The following CCNJ variants were observed in gnomAD, a reference collection of about 807,000 sequenced individuals.
The protein encoded by CCNJ is cyclin-J.
A neutral mutation model predicts 41.4 loss-of-function variants in CCNJ; 12 were observed. That is an observed-to-expected ratio of 0.29 (90% confidence interval 0.19 to 0.47). CCNJ has a LOEUF of 0.47. Ranked by LOEUF, CCNJ falls within the 20% of genes least tolerant of loss-of-function variation. CCNJ has a pLI of 1.00. For missense variants in CCNJ, 340 were observed against 464.6 expected (o/e 0.73, Z 2.47); for synonymous variants, 161 against 173.4 (o/e 0.93, Z 0.56).
chr10:96,045,628 TTAG>T (rs2080341365), intron 2 of CCNJ, among the ~76,000 whole-genome samples: 1 of 149,580 alleles, frequency 6.7e-6, no homozygotes. Context: ...CTCTGGAGTG[TTAG>T]TTAGGAAAGA....
chr10:96,043,913 C>T (rs986594756), intron 1 of CCNJ, among the ~76,000 whole-genome samples, 194 bp downstream of exon 1: 2 of 152,338 alleles, frequency 1.3e-5, no homozygotes, highest in Non-Finnish European at 1.5e-5. Flanking sequence ...AGACCCGCGG[C>T]CAGGCAGACG....
At chr10:96,053,040 C>A (rs939624120) in intron 3 of CCNJ, among the ~76,000 whole-genome samples, 15 of 152,212 alleles carry the variant, frequency 9.9e-5, no homozygotes, top group African/African-American at 3.6e-4. Flanking sequence ...CTGATAAACT[C>A]TTTTCAGTGT....
upstream of CCNJ, chr10:96,043,374 C>A: frequency 2.8e-6 from 1 of 351,578 alleles, no homozygotes; most frequent in East Asian, 4.2e-5. Context: ...AGCGCCAGGC[C>A]AGCCCAGGCC....
In CCNJ at chr10:96,057,233, T is replaced by C. The variant is rs1190198977; in HGVS notation, c.726T>C (p.Ile242=). ...CTTGGGATTTCTTAGTGCAGTGTAT[T>C]GAACGACTGTTGATGTAAGCCTTTT... The part of the protein sequence containing the change: ...AYSWDFLVQC[I]ERLLIAHDND... Residue 242 remains isoleucine, a synonymous_variant, in exon 5 of 6, where the codon ATT becomes ATC. Coordinates refer to ENST00000465148, the MANE Select transcript of CCNJ (RefSeq NM_001134375.2). 6.2e-7 allele frequency: 1 copy of C among 1,613,932 alleles called. No homozygotes were observed. Among genetic ancestry groups the C allele is most frequent in the East Asian group, 2.2e-5 (1 of 44,884 alleles).
upstream of CCNJ, chr10:96,043,547 G>T (rs1410757510): frequency 7.6e-6 from 3 of 394,172 alleles, no homozygotes; most frequent in East Asian, 1.1e-4. Flanking sequence ...GTGCCCCCGC[G>T]CTGGCTTTGT....
intron 3 of CCNJ, 55 bp downstream of exon 3, chr10:96,050,521 A>G (rs2080491831): frequency 3.1e-6 from 4 of 1,300,158 alleles, no homozygotes; most frequent in Non-Finnish European, 4.4e-6. Context: ...ATATAATAAA[A>G]TAAATTTATG....
chr10:96,045,012 G>T (rs911468895), intron 2 of CCNJ, among the ~76,000 whole-genome samples: 1 of 152,156 alleles, frequency 6.6e-6, no homozygotes, highest in African/African-American at 2.4e-5. Context: ...TTGGTATATA[G>T]TAAGCACTAA....
upstream of CCNJ, chr10:96,043,578 C>G (rs2080271920): frequency 2.5e-6 from 1 of 395,052 alleles, no homozygotes. Flanking sequence ...GCCTGCCGGT[C>G]CTTTAACAAT....
At chr10:96,045,981 G>T (rs1340425141) in intron 2 of CCNJ, among the ~76,000 whole-genome samples, 10 of 152,090 alleles carry the variant, frequency 6.6e-5, no homozygotes, top group Non-Finnish European at 1.3e-4. Flanking sequence ...GTTTTTCTTG[G>T]TGATTTCCAT....
At chr10:96,054,071 A>G (rs1002233182) in intron 3 of CCNJ, among the ~76,000 whole-genome samples, 1 of 152,146 alleles carries the variant, frequency 6.6e-6, no homozygotes, top group Admixed American at 6.5e-5. Flanking sequence ...GGCTTTGAAA[A>G]TGTGTTGGTT....
intron 3 of CCNJ, among the ~76,000 whole-genome samples, chr10:96,053,453 A>C (rs2080589034): frequency 6.6e-6 from 1 of 152,202 alleles, no homozygotes; most frequent in Admixed American, 6.5e-5. Flanking sequence ...TGTTACCTTT[A>C]GCCTGCCTCC....
At position 96,059,748 on chromosome 10, in the gene CCNJ, ATGT is replaced by A. The variant is rs1246498846; in HGVS notation, c.*1511_*1513del. The A allele has an allele frequency of 3.3e-5, 5 of 152,510 alleles. No homozygotes were observed. Among genetic ancestry groups the A allele is most frequent in the Admixed American group, 2.6e-4 (4 of 15,272 alleles). The allele number at this position is 152,510 out of a possible 1,614,324, so 9.4% of individuals were successfully genotyped here. A position where few individuals can be genotyped will look rare whatever the true frequency, so the allele number is the denominator to read the frequency against. ...CATCGAAGACAAACTTACTATAAAG[ATGT>A]TGTGGGTATGCAGCAGGAGTCTCAG... On this transcript the variant is annotated 3_prime_UTR_variant, in exon 6 of 6. Coordinates refer to ENST00000465148, the MANE Select transcript of CCNJ (RefSeq NM_001134375.2).
Position 96,060,281 on chromosome 10 carries a change from C to T in CCNJ, c.*2040C>T, listed in dbSNP as rs568842400. 6.5e-5 allele frequency: 10 copies of T among 152,732 alleles called. No individual in the cohort carries two copies. In the South Asian group the frequency reaches 1.0e-3, roughly 16 times the overall value. The allele number at this position is 152,732 out of a possible 1,614,324, so 9.5% of individuals were successfully genotyped here. ...CCCAACTTGAAACAACAGCCAGTGC[C>T]TGTGGTAACTTAATGTCTTGTCAAA... On this transcript the variant is annotated 3_prime_UTR_variant, in exon 6 of 6. Transcript: ENST00000465148.
rs998607793 is a variant in CCNJ at position 96,057,004 on chromosome 10, G to C, written c.580+4G>C. The C allele has an allele frequency of 6.2e-7, 1 of 1,613,198 alleles. No individual in the cohort carries two copies. Among genetic ancestry groups the C allele is most frequent in the Non-Finnish European group, 8.5e-7 (1 of 1,179,354 alleles). ...TTCCTGGAAGTATCTTTGCAAGGTGGGTTGTTGTGAATACCAGTAAGTGAC... is the reference window on the plus strand; with the variant it reads ...TTCCTGGAAGTATCTTTGCAAGGTGCGTTGTTGTGAATACCAGTAAGTGAC... On this transcript the variant is annotated splice_donor_region_variant and intron_variant, in intron 4 of 5. Coordinates refer to ENST00000465148, the MANE Select transcript of CCNJ (RefSeq NM_001134375.2).
chr10:96,056,081 A>G (rs138326198), intron 3 of CCNJ, among the ~76,000 whole-genome samples: 7,691 of 152,268 alleles, frequency 0.051, 609 homozygotes, highest in African/African-American at 0.17. Context: ...AGGCCGAGGC[A>G]GGCAGATCAC....
At chr10:96,055,159 A>G (rs2080646588) in intron 3 of CCNJ, among the ~76,000 whole-genome samples, 1 of 152,196 alleles carries the variant, frequency 6.6e-6, no homozygotes, top group South Asian at 2.1e-4. Context: ...TTTAATTAGG[A>G]AGGGCTATCT....
At chr10:96,050,522 T>C in intron 3 of CCNJ, 56 bp downstream of exon 3, 1 of 1,259,922 alleles carries the variant, frequency 7.9e-7, no homozygotes, top group Non-Finnish European at 1.2e-6. Flanking sequence ...TATAATAAAA[T>C]AAATTTATGT....
intron 2 of CCNJ, among the ~76,000 whole-genome samples, chr10:96,045,080 G>A (rs140223199): frequency 7.2e-5 from 11 of 152,324 alleles, no homozygotes; most frequent in African/African-American, 2.2e-4. Flanking sequence ...GCCCTAAAGT[G>A]GAGGGAGTTG....
intron 3 of CCNJ, among the ~76,000 whole-genome samples, chr10:96,054,599 GA>G (rs2142059622): frequency 6.6e-6 from 1 of 152,242 alleles, no homozygotes; most frequent in East Asian, 1.9e-4. Flanking sequence ...TAATAATACA[GA>G]AATCTGTCAG....
Sources: gnomAD v4.1 joint callset for allele counts (sites outside exome capture counted in the v4.1 genomes callset) on GRCh38, gnomAD v4.1.1 for gene constraint, MANE v1.5 for transcripts, NCBI Gene and HGNC (gene_info 2026-07-23, HGNC 2026-07-21) for gene names.